Variants in GLIS3 observed in about 807,000 individuals in gnomAD.
GLIS3 encodes zinc finger protein GLIS3.
A neutral mutation model predicts 78.6 loss-of-function variants in GLIS3; 53 were observed. That is an observed-to-expected ratio of 0.67 (90% CI 0.54 to 0.85). The LOEUF is 0.85. Among genes scored for constraint, GLIS3 ranks in the 40% least tolerant of loss-of-function variants. The pLI is 0.00. For missense variants in GLIS3, 1,703 were observed against 1,231.1 expected, an observed-to-expected ratio of 1.38 and a Z score of -5.74; for synonymous variants, 684 against 509.9, an observed-to-expected ratio of 1.34 and a Z score of -4.60.
intron 4 of GLIS3, among the ~76,000 whole-genome samples, chr9:4,307,576 G>C (rs1817261247): frequency 6.6e-6 from 1 of 152,138 alleles, no homozygotes; most frequent in South Asian, 2.1e-4. Flanking sequence ...CTAACTCCTG[G>C]AACCTATGAA....
intron 9 of GLIS3, among the ~76,000 whole-genome samples, chr9:3,844,396 AG>A (rs1242780123): frequency 6.6e-6 from 1 of 152,232 alleles, no homozygotes; most frequent in Non-Finnish European, 1.5e-5. Context: ...AGGAACGCCT[AG>A]AATAGTGTTA....
chr9:3,976,611 C>T (rs1199810905), intron 4 of GLIS3, among the ~76,000 whole-genome samples: 1 of 151,404 alleles, frequency 6.6e-6, no homozygotes, highest in Non-Finnish European at 1.5e-5. Flanking sequence ...TTTAGAACAT[C>T]TGGATGAATT....
At chr9:4,467,823 G>C in the GLIS3 span, among the ~76,000 whole-genome samples, 1 of 151,998 alleles carries the variant, frequency 6.6e-6, no homozygotes, top group Non-Finnish European at 1.5e-5. Flanking sequence ...CCGATGATCG[G>C]TAATAACAAA....
the GLIS3 span, among the ~76,000 whole-genome samples, chr9:4,444,246 T>G: frequency 7.9e-5 from 12 of 152,320 alleles, no homozygotes; most frequent in South Asian, 2.5e-3. Context: ...ATACACCACT[T>G]ATCTTAATTC....
chr9:3,957,381 G>A (rs1002281663), intron 4 of GLIS3, among the ~76,000 whole-genome samples: 1 of 152,202 alleles, frequency 6.6e-6, no homozygotes, highest in African/African-American at 2.4e-5. Context: ...GATTTTAAAA[G>A]TTGCTATTGA....
the GLIS3 span, among the ~76,000 whole-genome samples, chr9:4,362,778 G>C: frequency 6.6e-6 from 1 of 152,142 alleles, no homozygotes; most frequent in African/African-American, 2.4e-5. Context: ...TCCACAAATA[G>C]AGCAAACTCT....
In GLIS3 at chr9:3,937,148, G is replaced by A. The variant is rs764423774; in HGVS notation, c.1752C>T (p.Leu584=). Residue 584 remains leucine, a synonymous_variant, in exon 5 of 11, where the codon CTC becomes CTT. Coordinates refer to ENST00000381971, the MANE Select transcript of GLIS3 (RefSeq NM_001042413.2). ...CTGTGTGGCTCCGCAAGTGGATCTT[G>A]AGATTTTCAAGCCTTGAAAAGGCCT... ...CEKAFSRLEN[L]KIHLRSHTGE... is the part of the protein sequence containing the mutation. 2.5e-6 allele frequency: 4 copies of A among 1,614,110 alleles called. No individual in the cohort carries two copies. The East Asian group carries it at 8.9e-5, about 36-fold the overall frequency.
intron 8 of GLIS3, among the ~76,000 whole-genome samples, chr9:3,866,136 C>G (rs1330534369): frequency 6.6e-6 from 1 of 152,176 alleles, no homozygotes; most frequent in Non-Finnish European, 1.5e-5. Flanking sequence ...CACATTCATT[C>G]ATTTCACAAA....
intron 5 of GLIS3, among the ~76,000 whole-genome samples, chr9:3,934,864 G>T (rs564632346): frequency 6.6e-6 from 1 of 152,302 alleles, no homozygotes; most frequent in East Asian, 1.9e-4. Context: ...TAGTACTGCT[G>T]CAACTGTCAT....
chr9:3,838,973 C>T (rs974422501), intron 9 of GLIS3, among the ~76,000 whole-genome samples: 20 of 152,118 alleles, frequency 1.3e-4, no homozygotes, highest in South Asian at 2.1e-4. Flanking sequence ...TCTTTGGGGT[C>T]GCATCTACTC....
chr9:4,484,562 G>T, the GLIS3 span, among the ~76,000 whole-genome samples: 1 of 151,634 alleles, frequency 6.6e-6, no homozygotes, highest in South Asian at 2.1e-4. Flanking sequence ...GGGATTACAG[G>T]CCCTGCCACC....
chr9:3,903,824 G>C (rs1588190850), intron 6 of GLIS3, among the ~76,000 whole-genome samples: 1 of 152,114 alleles, frequency 6.6e-6, no homozygotes, highest in Non-Finnish European at 1.5e-5. Context: ...TGACCTTTTT[G>C]AGAAGAGATA....
chr9:4,200,221 GAACT>G (rs1474375525), intron 2 of GLIS3, among the ~76,000 whole-genome samples: 1 of 151,828 alleles, frequency 6.6e-6, no homozygotes, highest in East Asian at 1.9e-4. Flanking sequence ...TCAAATTAAT[GAACT>G]AACCTCAAAC....
At chr9:4,320,893 A>C (rs1342747753) in intron 2 of GLIS3, among the ~76,000 whole-genome samples, 1 of 152,074 alleles carries the variant, frequency 6.6e-6, no homozygotes, top group Non-Finnish European at 1.5e-5. Context: ...AAGGCAGGTA[A>C]GTTTTTTCAA....
intron 4 of GLIS3, among the ~76,000 whole-genome samples, chr9:4,020,305 T>A (rs1429377511): frequency 6.6e-6 from 1 of 152,068 alleles, no homozygotes; most frequent in Non-Finnish European, 1.5e-5. Flanking sequence ...TTGTTTTTTT[T>A]GTTTTGTTTT....
At chr9:4,162,647 C>A (rs1051518074) in intron 2 of GLIS3, among the ~76,000 whole-genome samples, 1 of 151,864 alleles carries the variant, frequency 6.6e-6, no homozygotes, top group Non-Finnish European at 1.5e-5. Flanking sequence ...ATCACGAGGT[C>A]AGATCGAGAC....
chr9:4,277,809 T>G (rs1342473451), intron 2 of GLIS3, among the ~76,000 whole-genome samples: 1 of 152,220 alleles, frequency 6.6e-6, no homozygotes, highest in Non-Finnish European at 1.5e-5. Context: ...AAAGCTGATT[T>G]CCCAGACGCT....
At chr9:4,102,257 C>T (rs911684767) in intron 4 of GLIS3, among the ~76,000 whole-genome samples, 4 of 152,194 alleles carry the variant, frequency 2.6e-5, no homozygotes, top group Non-Finnish European at 5.9e-5. Context: ...TGAAGCATTA[C>T]TTCCCCCATC....
chr9:3,976,915 T>C (rs1465845719), intron 4 of GLIS3, among the ~76,000 whole-genome samples: 3 of 149,084 alleles, frequency 2.0e-5, no homozygotes, highest in African/African-American at 4.9e-5. Flanking sequence ...ATGAAAATAT[T>C]TTGAGAGAAC....
Sources: gnomAD v4.1 joint callset for allele counts (sites outside exome capture counted in the v4.1 genomes callset) on GRCh38, gnomAD v4.1.1 for gene constraint, MANE v1.5 for transcripts, NCBI Gene and HGNC (gene_info 2026-07-23, HGNC 2026-07-21) for gene names.